Variants in KLF12 observed in about 807,000 individuals in gnomAD.
The protein encoded by KLF12 is KLF transcription factor 12.
In KLF12, 9 loss-of-function variants were observed where a neutral mutation model predicts 37.8. That is an observed-to-expected ratio of 0.24 (90% CI 0.14 to 0.42). The LOEUF (loss-of-function observed/expected upper bound fraction) is 0.42. KLF12 is among the 10% of genes least tolerant of loss of function. KLF12 has a pLI of 1.00. For synonymous variants in KLF12, 208 were observed against 202.1 expected (o/e 1.03, Z -0.25); for missense variants, 411 against 516.0 (o/e 0.80, Z 1.97).
At chr13:74,034,050 CTT>C (rs897250327) in intron 1 of KLF12, among the ~76,000 whole-genome samples, 1 of 151,564 alleles carries the variant, frequency 6.6e-6, no homozygotes, top group Non-Finnish European at 1.5e-5. Flanking sequence ...TACGCATTCA[CTT>C]TTTTTGTTTT....
At chr13:73,727,896 C>T (rs1876779300) in intron 6 of KLF12, among the ~76,000 whole-genome samples, 1 of 152,100 alleles carries the variant, frequency 6.6e-6, no homozygotes, top group Non-Finnish European at 1.5e-5. Context: ...AAGGTTTCAC[C>T]ATGTTGGCCA....
intron 2 of KLF12, among the ~76,000 whole-genome samples, chr13:73,945,951 A>G (rs1890404171): frequency 6.6e-6 from 1 of 152,098 alleles, no homozygotes; most frequent in Non-Finnish European, 1.5e-5. Context: ...GGTTGTTTTC[A>G]CATGGGGCAG....
intron 1 of KLF12, among the ~76,000 whole-genome samples, chr13:74,046,388 C>T (rs1893542877): frequency 1.3e-5 from 2 of 151,772 alleles, no homozygotes; most frequent in South Asian, 2.1e-4. Context: ...TTTATGGAAA[C>T]ACATAGTTTG....
At chr13:73,976,454 A>G (rs1462535938) in intron 2 of KLF12, among the ~76,000 whole-genome samples, 1 of 152,116 alleles carries the variant, frequency 6.6e-6, no homozygotes, top group Non-Finnish European at 1.5e-5. Context: ...TCTACCTCAG[A>G]AACATGATGA....
At chr13:74,214,407 A>G in the KLF12 span, among the ~76,000 whole-genome samples, 2 of 152,122 alleles carry the variant, frequency 1.3e-5, no homozygotes, top group African/African-American at 4.8e-5. Context: ...GTCTTCCTGT[A>G]TTTTAGTTAA....
At chr13:73,946,236 A>C (rs1890416978) in intron 2 of KLF12, among the ~76,000 whole-genome samples, 2 of 152,186 alleles carry the variant, frequency 1.3e-5, no homozygotes, top group African/African-American at 4.8e-5. Context: ...CCCAAGCAAA[A>C]GAGGAGAAAA....
intron 3 of KLF12, among the ~76,000 whole-genome samples, chr13:73,916,473 C>G (rs993406180): frequency 1.3e-5 from 2 of 152,060 alleles, no homozygotes; most frequent in African/African-American, 4.8e-5. Context: ...GTATCTACCC[C>G]ACAACACCCC....
intron 1 of KLF12, among the ~76,000 whole-genome samples, chr13:74,107,243 C>A (rs1876706614): frequency 6.6e-6 from 1 of 152,208 alleles, no homozygotes; most frequent in Admixed American, 6.5e-5. Flanking sequence ...TAAGTTTCAA[C>A]ATAATGAATT....
At position 74,097,839 on chromosome 13, in the gene KLF12, A is replaced by C. The variant is rs192775587; in HGVS notation, c.-32+35900T>G. Among the ~76,000 whole-genome samples, 229 of 151,084 alleles carry C rather than the reference A, an allele frequency of 1.5e-3. 1 individual carries two copies. The highest frequency in any genetic ancestry group is 9.7e-4 in the Non-Finnish European group (66 of 67,830). ...CCCACACTTCAGACCCCAACTCCAC[A>C]AACTGCTCCTCCAAATATATATATT... On this transcript the variant is annotated intron_variant, in intron 1 of 7. Coordinates refer to ENST00000377669, the MANE Select transcript of KLF12 (RefSeq NM_007249.5).
At chr13:73,807,990 G>A (rs9600172) in intron 5 of KLF12, among the ~76,000 whole-genome samples, 1 of 152,136 alleles carries the variant, frequency 6.6e-6, no homozygotes, top group Non-Finnish European at 1.5e-5. Flanking sequence ...AGGAAAGGGG[G>A]TGCAAAAATT....
chr13:73,869,818 C>A (rs1446531267), intron 3 of KLF12, among the ~76,000 whole-genome samples: 4 of 151,914 alleles, frequency 2.6e-5, no homozygotes, highest in Admixed American at 2.6e-4. Flanking sequence ...AATTTGTTTC[C>A]CTTTCTAAAT....
chr13:74,149,683 T>A, the KLF12 span, among the ~76,000 whole-genome samples: 1 of 152,176 alleles, frequency 6.6e-6, no homozygotes, highest in African/African-American at 2.4e-5. Flanking sequence ...TTACAACCTC[T>A]CTGCTCAACA....
At chr13:74,056,295 T>C (rs1280425780) in intron 1 of KLF12, among the ~76,000 whole-genome samples, 1 of 152,178 alleles carries the variant, frequency 6.6e-6, no homozygotes, top group Admixed American at 6.5e-5. Flanking sequence ...GCAACATACA[T>C]GTAACCCAAA....
chr13:74,227,248 G>A, the KLF12 span, among the ~76,000 whole-genome samples: 1 of 152,042 alleles, frequency 6.6e-6, no homozygotes, highest in Non-Finnish European at 1.5e-5. Context: ...TTAATCTCAA[G>A]GATGGCTCAA....
intron 2 of KLF12, among the ~76,000 whole-genome samples, chr13:73,944,638 T>G (rs1246353171): frequency 6.6e-6 from 1 of 152,252 alleles, no homozygotes; most frequent in Admixed American, 6.5e-5. Flanking sequence ...AAATCTTAGA[T>G]TAAGAGTGAA....
the KLF12 span, among the ~76,000 whole-genome samples, chr13:74,237,458 GT>G: frequency 6.5e-5 from 9 of 137,876 alleles, no homozygotes; most frequent in African/African-American, 3.0e-4. Context: ...CTTTAAAGTA[GT>G]TTTTGCCAAT....
chr13:73,913,296 TTCCTTCCTTGGAGAAAA>T (rs1259181906), intron 3 of KLF12, among the ~76,000 whole-genome samples: 2 of 152,240 alleles, frequency 1.3e-5, no homozygotes, highest in South Asian at 4.1e-4. Context: ...ATTTTAGGGT[TTCCTTCCTTGGAGAAAA>T]TCCTTCCACA....
chr13:74,234,314 T>C, the KLF12 span, among the ~76,000 whole-genome samples: 1 of 152,180 alleles, frequency 6.6e-6, no homozygotes, highest in African/African-American at 2.4e-5. Context: ...TGGGTAGAAT[T>C]CAAATTTTAG....
intron 6 of KLF12, among the ~76,000 whole-genome samples, chr13:73,743,518 TAAC>T (rs1878150357): frequency 6.6e-6 from 1 of 152,172 alleles, no homozygotes; most frequent in African/African-American, 2.4e-5. Flanking sequence ...TACAATTACA[TAAC>T]AAGTTGAATG....
Sources: gnomAD v4.1 joint callset for allele counts (sites outside exome capture counted in the v4.1 genomes callset) on GRCh38, gnomAD v4.1.1 for gene constraint, MANE v1.5 for transcripts, NCBI Gene and HGNC (gene_info 2026-07-23, HGNC 2026-07-21) for gene names.